The following ACYP2 variants were observed in gnomAD, a reference collection of about 807,000 sequenced individuals.
ACYP2 encodes acylphosphatase 2.
A neutral mutation model predicts 11.2 loss-of-function variants in ACYP2; 12 were observed. The observed-to-expected ratio is 1.08, with a 90% CI of 0.69 to 1.74. The LOEUF is 1.74. Among genes scored for constraint, ACYP2 ranks in the 40% most tolerant of loss-of-function variants. ACYP2 has a pLI of 0.00. For synonymous variants in ACYP2, 43 were observed against 32.2 expected (o/e 1.33, Z -1.13); for missense variants, 134 against 101.9 (o/e 1.31, Z -1.35).
At chr2:54,278,239 A>G (rs1408680647) in intron 6 of ACYP2, among the ~76,000 whole-genome samples, 3 of 152,174 alleles carry the variant, frequency 2.0e-5, no homozygotes, top group Non-Finnish European at 2.9e-5. Context: ...CGGACTCCCA[A>G]ATTGCTGGGA....
intron 6 of ACYP2, among the ~76,000 whole-genome samples, chr2:54,238,337 T>C (rs1686587923): frequency 6.6e-6 from 1 of 152,150 alleles, no homozygotes; most frequent in South Asian, 2.1e-4. Flanking sequence ...CTCACAGTTG[T>C]ATCCCATCCC....
chr2:54,115,557 AC>A lies in ACYP2; in HGVS notation c.278-19892del, dbSNP rs571935566. 5.3e-5 allele frequency: 80 copies of A among 1,523,006 alleles called. No homozygotes were observed. The African/African-American group carries it at 9.3e-4, about 18-fold the overall frequency. 94.3% of individuals were successfully genotyped at this position (1,523,006 alleles called of 1,614,324 possible). Reference sequence around the variant, plus strand: ...TCTCATTTGCCGCTTCCGACGCGTGACCCCGGCGCGCTAGCGTCCGGGACCG... The same window carrying A: ...TCTCATTTGCCGCTTCCGACGCGTGACCCGGCGCGCTAGCGTCCGGGACCG... On this transcript the variant is annotated intron_variant, in intron 4 of 6. Coordinates refer to ENST00000607452, the MANE Select transcript of ACYP2 (RefSeq NM_001320586.2).
intron 6 of ACYP2, among the ~76,000 whole-genome samples, chr2:54,296,654 T>G (rs1297139200): frequency 6.6e-6 from 1 of 152,228 alleles, no homozygotes. Flanking sequence ...ATATTGTTAC[T>G]TTATAACTGT....
chr2:54,141,586 G>A (rs1315482799), intron 6 of ACYP2, among the ~76,000 whole-genome samples: 2 of 152,100 alleles, frequency 1.3e-5, no homozygotes, highest in Non-Finnish European at 2.9e-5. Flanking sequence ...TTTTATTTCT[G>A]AATTCTCTAT....
intron 2 of ACYP2, among the ~76,000 whole-genome samples, chr2:53,979,480 A>G (rs1671648206): frequency 6.6e-6 from 1 of 151,750 alleles, no homozygotes; most frequent in Non-Finnish European, 1.5e-5. Context: ...TAAAAAAATT[A>G]GCCAGGCATG....
At chr2:54,071,413 C>G (rs1677036641) in intron 4 of ACYP2, among the ~76,000 whole-genome samples, 1 of 151,950 alleles carries the variant, frequency 6.6e-6, no homozygotes, top group Non-Finnish European at 1.5e-5. Flanking sequence ...ACTCTTAGAG[C>G]TAATAAACAA....
intron 6 of ACYP2, among the ~76,000 whole-genome samples, chr2:54,192,657 A>G (rs113747328): frequency 2.5e-4 from 38 of 152,342 alleles, no homozygotes; most frequent in African/African-American, 6.3e-4. Flanking sequence ...TAGAAGATGA[A>G]ATATGGGCTT....
chr2:54,015,834 A>G (rs1164526024), intron 2 of ACYP2, among the ~76,000 whole-genome samples: 1 of 151,976 alleles, frequency 6.6e-6, no homozygotes, highest in Non-Finnish European at 1.5e-5. Flanking sequence ...CTGAGTTGTC[A>G]TTATATTTTT....
chr2:54,262,505 G>A (rs779406304), intron 6 of ACYP2, among the ~76,000 whole-genome samples: 2 of 152,172 alleles, frequency 1.3e-5, no homozygotes, highest in South Asian at 2.1e-4. Flanking sequence ...TACAGTAAAT[G>A]AATAAGTTGG....
intron 6 of ACYP2, among the ~76,000 whole-genome samples, chr2:54,192,630 T>C (rs1441206382): frequency 6.6e-6 from 1 of 152,180 alleles, no homozygotes; most frequent in Non-Finnish European, 1.5e-5. Context: ...AAAAAGAGGC[T>C]TGTAATATTT....
intron 6 of ACYP2, among the ~76,000 whole-genome samples, chr2:54,289,283 T>C (rs1414499830): frequency 6.6e-6 from 1 of 151,956 alleles, no homozygotes; most frequent in Non-Finnish European, 1.5e-5. Context: ...CGTCCTCTTA[T>C]TTGCCAAAAA....
chr2:54,009,546 C>G (rs772660476), intron 2 of ACYP2, among the ~76,000 whole-genome samples: 1 of 152,058 alleles, frequency 6.6e-6, no homozygotes, highest in Non-Finnish European at 1.5e-5. Context: ...TGCACGCCAG[C>G]CTGGGGGACA....
At chr2:54,233,219 A>C (rs1275751516) in intron 6 of ACYP2, among the ~76,000 whole-genome samples, 1 of 152,036 alleles carries the variant, frequency 6.6e-6, no homozygotes, top group South Asian at 2.1e-4. Context: ...TAAAGTATAT[A>C]GTTTGATAGC....
intron 4 of ACYP2, among the ~76,000 whole-genome samples, chr2:54,125,409 A>C (rs527322083): frequency 1.3e-5 from 2 of 152,088 alleles, no homozygotes; most frequent in Non-Finnish European, 2.9e-5. Flanking sequence ...AAAGATCAAA[A>C]ATCCCAAAAA....
intron 6 of ACYP2, among the ~76,000 whole-genome samples, chr2:54,291,825 G>C: frequency 6.6e-6 from 1 of 152,160 alleles, no homozygotes; most frequent in East Asian, 1.9e-4. Flanking sequence ...GGCCTATCAG[G>C]AAAAATTGTC....
At chr2:53,992,164 C>T (rs1280306088) in intron 2 of ACYP2, among the ~76,000 whole-genome samples, 1 of 140,226 alleles carries the variant, frequency 7.1e-6, no homozygotes, top group Non-Finnish European at 1.5e-5. Context: ...TCCTTCCTTC[C>T]TACTTTTTTT....
chr2:54,216,360 A>C (rs1235465133), intron 6 of ACYP2, among the ~76,000 whole-genome samples: 1 of 152,168 alleles, frequency 6.6e-6, no homozygotes, highest in Non-Finnish European at 1.5e-5. Context: ...CATCTTCCAG[A>C]TATGTCTAGA....
At chr2:53,975,030 G>A (rs936547012) in intron 2 of ACYP2, among the ~76,000 whole-genome samples, 44 of 152,120 alleles carry the variant, frequency 2.9e-4, no homozygotes, top group African/African-American at 1.0e-3. Context: ...GAAGAGACCA[G>A]CCTGGCCAAT....
In ACYP2 at chr2:54,115,603, C is replaced by T; in HGVS notation, c.278-19850C>T. The T allele has an allele frequency of 1.3e-6, 2 of 1,550,798 alleles. No homozygotes were observed. The highest frequency in any genetic ancestry group is 1.7e-6 in the Non-Finnish European group (2 of 1,147,602). On this transcript the variant is annotated intron_variant, in intron 4 of 6. Transcript: ENST00000607452. ...GGACCGGTGACAGGCGCGGGGTGCG[C>T]CAAGCAGTCCCATGTGTCCCCTCCC...
Sources: gnomAD v4.1 joint callset for allele counts (sites outside exome capture counted in the v4.1 genomes callset) on GRCh38, gnomAD v4.1.1 for gene constraint, MANE v1.5 for transcripts, NCBI Gene and HGNC (gene_info 2026-07-23, HGNC 2026-07-21) for gene names.